The following STX17 variants were observed in gnomAD, a reference collection of about 807,000 sequenced individuals.
STX17 encodes syntaxin 17, also known as syntaxin-17.
A neutral mutation model predicts 35.9 loss-of-function variants in STX17; 29 were observed. The ratio of observed to expected loss-of-function variants is 0.81; its 90% CI spans 0.60 to 1.10. STX17 has a LOEUF of 1.10. Among genes scored for constraint, STX17 ranks in the 50% least tolerant of loss-of-function variants. STX17 has a pLI of 0.00. For synonymous variants in STX17, 92 were observed against 118.3 expected, an observed-to-expected ratio of 0.78 and a Z score of 1.44; for missense variants, 312 against 352.3, an observed-to-expected ratio of 0.89 and a Z score of 0.92.
chr9:99,950,390 CAAAAT>C (rs1256011342), intron 3 of STX17, among the ~76,000 whole-genome samples: 1 of 151,674 alleles, frequency 6.6e-6, no homozygotes, highest in East Asian at 1.9e-4. Context: ...CTTTCCTACA[CAAAAT>C]AATATATTAA....
intron 3 of STX17, among the ~76,000 whole-genome samples, chr9:99,937,302 C>A (rs758477254): frequency 4.6e-5 from 7 of 152,136 alleles, no homozygotes; most frequent in Non-Finnish European, 1.0e-4. Flanking sequence ...TCGTTTGCAT[C>A]AAATATGGGC....
rs1388708145 is a variant in STX17, at chr9:99,947,537, G to A, written c.190-3523G>A. On this transcript the variant is annotated intron_variant, in intron 3 of 7. Transcript: ENST00000259400. ...TATTTATAGAAATTATTTGAAGCTAGGGATGATGTTATCTTCCTCCAGATA... is the reference window on the plus strand; with the variant it reads ...TATTTATAGAAATTATTTGAAGCTAAGGATGATGTTATCTTCCTCCAGATA... Among the ~76,000 whole-genome samples the A allele has an allele frequency of 5.3e-5, 8 of 152,150 alleles. No homozygotes were observed. The East Asian group carries it at 1.2e-3, about 22-fold the overall frequency.
At chr9:99,908,114 GCCC>G (rs1188376976) in intron 1 of STX17, among the ~76,000 whole-genome samples, 2 of 152,186 alleles carry the variant, frequency 1.3e-5, no homozygotes, top group African/African-American at 4.8e-5. Context: ...AAGTGTGTGT[GCCC>G]TTCTCAGTTC....
At chr9:99,955,842 G>C (rs1829696720) in intron 4 of STX17, among the ~76,000 whole-genome samples, 1 of 152,024 alleles carries the variant, frequency 6.6e-6, no homozygotes, top group African/African-American at 2.4e-5. Flanking sequence ...TATGTTACAT[G>C]AAACAGTTAC....
chr9:99,957,093 T>G (rs1829723529), intron 4 of STX17, among the ~76,000 whole-genome samples: 1 of 152,198 alleles, frequency 6.6e-6, no homozygotes, highest in Non-Finnish European at 1.5e-5. Context: ...GTAACTTGTC[T>G]TTTACTTCTT....
At chr9:99,933,077 G>T (rs1360531143) in intron 3 of STX17, among the ~76,000 whole-genome samples, 3 of 151,998 alleles carry the variant, frequency 2.0e-5, no homozygotes, top group African/African-American at 7.2e-5. Context: ...TAAATATTTT[G>T]CTTTTAACAT....
chr9:99,914,389 G>A (rs1435761201), intron 1 of STX17, among the ~76,000 whole-genome samples: 2 of 152,176 alleles, frequency 1.3e-5, no homozygotes, highest in Non-Finnish European at 2.9e-5. Context: ...TACAACTGAA[G>A]TAGGGAGTGG....
Position 99,968,760 on chromosome 9 carries a change from A to AAGT in STX17, c.*89_*91dup. On this transcript the variant is annotated 3_prime_UTR_variant, in exon 8 of 8. Transcript: ENST00000259400. ...GACACTCCGTCACCTTTTGGAACACAAGTATATCAAGATAGTGGCTACTGA... is the reference window on the plus strand; with the variant it reads ...GACACTCCGTCACCTTTTGGAACACAAGTAGTATATCAAGATAGTGGCTACTGA... The AAGT allele has an allele frequency of 6.5e-7, 1 of 1,530,206 alleles. No homozygotes were observed. The allele number at this position is 1,530,206 out of a possible 1,614,324, so 94.8% of individuals were successfully genotyped here.
chr9:99,924,902 A>G (rs1828958618), intron 2 of STX17, among the ~76,000 whole-genome samples: 1 of 152,154 alleles, frequency 6.6e-6, no homozygotes, highest in Non-Finnish European at 1.5e-5. Context: ...TGTTAAATGT[A>G]GGGTTTTTGT....
rs1829977043 is a variant in STX17, at chr9:99,969,100, GC to G, written c.*429del. 1 of 153,810 alleles carries G rather than the reference GC, an allele frequency of 6.5e-6. No homozygotes were observed. The highest frequency in any genetic ancestry group is 1.4e-5 in the Non-Finnish European group (1 of 69,106). The allele number at this position is 153,810 out of a possible 1,614,324, so 9.5% of individuals were successfully genotyped here. A position where few individuals can be genotyped will look rare whatever the true frequency, so the allele number is the denominator to read the frequency against. On this transcript the variant is annotated 3_prime_UTR_variant, in exon 8 of 8. Transcript: ENST00000259400. Reference sequence around the variant, plus strand: ...TGAGGAAAAGAATAAGAGTTCAGAAGCCTTTGTTATCAGATAGCGAAATCAG... The same window carrying G: ...TGAGGAAAAGAATAAGAGTTCAGAAGCTTTGTTATCAGATAGCGAAATCAG...
chr9:99,909,148 T>C (rs1828613151), intron 1 of STX17, among the ~76,000 whole-genome samples: 1 of 152,262 alleles, frequency 6.6e-6, no homozygotes, highest in Non-Finnish European at 1.5e-5. Flanking sequence ...TTTTTGTCTC[T>C]AGGCTTATAG....
chr9:99,910,153 A>G (rs996179724), intron 1 of STX17, among the ~76,000 whole-genome samples: 1 of 152,046 alleles, frequency 6.6e-6, no homozygotes, highest in African/African-American at 2.4e-5. Context: ...GAGTCACTTG[A>G]ACCTAAGGGG....
rs374169368 is a variant in STX17 at position 99,949,631 on chromosome 9, AAATT to A, written c.190-1424_190-1421del. Reference sequence around the variant, plus strand: ...ACCTCACTCAGAGTATGCACTTGAAAAATTAATTCTTACTTAACTGGTCTGTCTA... The same window carrying A: ...ACCTCACTCAGAGTATGCACTTGAAAAATTCTTACTTAACTGGTCTGTCTA... On this transcript the variant is annotated intron_variant, in intron 3 of 7. Transcript: ENST00000259400. Among the ~76,000 whole-genome samples, 959 of 152,098 alleles carry A rather than the reference AAATT, an allele frequency of 6.3e-3. 9 individuals carry two copies. Among genetic ancestry groups the A allele is most frequent in the African/African-American group, 0.021 (884 of 41,548 alleles).
At chr9:99,911,999 G>C (rs1828675920) in intron 1 of STX17, among the ~76,000 whole-genome samples, 1 of 152,208 alleles carries the variant, frequency 6.6e-6, no homozygotes, top group South Asian at 2.1e-4. Flanking sequence ...GGCCGAGGCA[G>C]GTGGATCACC....
chr9:99,968,429 T>C lies in STX17; in HGVS notation c.670-5T>C. Reference sequence around the variant, plus strand: ...TTCTAAATTGAATTTTTTTTTTTTTTACAGGCTGCAAAATACAAGCTGGCA... The same window carrying C: ...TTCTAAATTGAATTTTTTTTTTTTTCACAGGCTGCAAAATACAAGCTGGCA... On this transcript the variant is annotated splice_polypyrimidine_tract_variant and splice_region_variant and intron_variant, in intron 7 of 7. Coordinates refer to ENST00000259400, the MANE Select transcript of STX17 (RefSeq NM_017919.3). The C allele has an allele frequency of 2.6e-6, 4 of 1,524,102 alleles. No individual in the cohort carries two copies. Among genetic ancestry groups the C allele is most frequent in the Non-Finnish European group, 3.5e-6 (4 of 1,139,182 alleles). 94.4% of individuals were successfully genotyped at this position (1,524,102 alleles called of 1,614,324 possible).
intron 4 of STX17, among the ~76,000 whole-genome samples, chr9:99,957,087 C>G (rs1353262524): frequency 6.6e-6 from 1 of 152,164 alleles, no homozygotes; most frequent in African/African-American, 2.4e-5. Context: ...ATACTTGTAA[C>G]TTGTCTTTTA....
intron 2 of STX17, among the ~76,000 whole-genome samples, chr9:99,924,281 T>C (rs1484206546): frequency 6.6e-6 from 1 of 152,160 alleles, no homozygotes; most frequent in East Asian, 1.9e-4. Flanking sequence ...TCCTGAGGTC[T>C]ACTTTGGACA....
intron 1 of STX17, among the ~76,000 whole-genome samples, chr9:99,913,570 A>G (rs1414894571): frequency 1.3e-5 from 2 of 152,040 alleles, no homozygotes; most frequent in African/African-American, 4.8e-5. Context: ...ATGTTTTTGG[A>G]TATTTAAAAA....
intron 3 of STX17, among the ~76,000 whole-genome samples, chr9:99,950,697 A>G (rs1829574084): frequency 6.6e-6 from 1 of 151,966 alleles, no homozygotes; most frequent in Non-Finnish European, 1.5e-5. Flanking sequence ...AAATGTGTGC[A>G]TGAGCCGTGA....
Sources: allele counts gnomAD v4.1 joint callset (sites outside exome capture counted in the v4.1 genomes callset), GRCh38; gene constraint gnomAD v4.1.1; transcripts MANE v1.5; gene names NCBI Gene and HGNC (gene_info 2026-07-23, HGNC 2026-07-21).